DNAAF5: variants seen among roughly 807,000 people sequenced by gnomAD.
DNAAF5 encodes the protein HEAT repeat containing 2.
DNAAF5 carries 64 observed loss-of-function variants against 75.8 expected under a neutral mutation model. The ratio of observed to expected loss-of-function variants is 0.84; its 90% CI spans 0.69 to 1.04. The LOEUF is 1.04. Among genes scored for constraint, DNAAF5 ranks in the 50% least tolerant of loss-of-function variants. The probability of loss-of-function intolerance (pLI) is 0.00; values close to 1 mark genes in which losing one functional copy is unlikely to be tolerated. For missense variants in DNAAF5, 1,269 were observed against 1,178.5 expected (o/e 1.08, Z -1.12); for synonymous variants, 657 against 557.2 (o/e 1.18, Z -2.52).
At position 755,866 on chromosome 7, in the gene DNAAF5, C is replaced by A. The variant is rs549802517; in HGVS notation, c.1258-916C>A. Among the ~76,000 whole-genome samples the A allele has an allele frequency of 1.8e-4, 27 of 152,290 alleles. No individual in the cohort carries two copies. The East Asian group carries it at 4.8e-3, about 27-fold the overall frequency. On this transcript the variant is annotated intron_variant, in intron 5 of 12. Coordinates refer to ENST00000297440, the MANE Select transcript of DNAAF5 (RefSeq NM_017802.4). ...AATTGTCTGTAGTTCTCTGTGGAAC[C>A]TACAGGAGAGCAAGAGACACGGGGG... is the stretch of plus-strand genomic sequence containing the variant.
At chr7:750,441 G>A (rs575211755) in intron 4 of DNAAF5, among the ~76,000 whole-genome samples, 1 of 152,334 alleles carries the variant, frequency 6.6e-6, no homozygotes, top group East Asian at 1.9e-4. Flanking sequence ...CTGGTTTTGT[G>A]GAAGACAATT....
intron 8 of DNAAF5, among the ~76,000 whole-genome samples, chr7:764,845 A>G (rs1400580897): frequency 1.3e-5 from 2 of 152,204 alleles, no homozygotes; most frequent in Non-Finnish European, 2.9e-5. Flanking sequence ...CTGAAGTGGG[A>G]GGATCACTTG....
chr7:770,842 C>T (rs1446860656), intron 9 of DNAAF5: 9 of 488,536 alleles, frequency 1.8e-5, no homozygotes, highest in Non-Finnish European at 3.0e-5. Context: ...CGGGGGTCCC[C>T]ACCTCCCTCC....
intron 5 of DNAAF5, among the ~76,000 whole-genome samples, chr7:755,645 C>T (rs905127968): frequency 3.9e-5 from 6 of 152,116 alleles, no homozygotes; most frequent in African/African-American, 1.2e-4. Context: ...GTGGGAGGAT[C>T]GCTTGAGCCC....
At chr7:782,896 C>A (rs1779020873) in intron 12 of DNAAF5, among the ~76,000 whole-genome samples, 2 of 152,120 alleles carry the variant, frequency 1.3e-5, no homozygotes, top group South Asian at 4.1e-4. Flanking sequence ...ACGTCAGAAA[C>A]TCGATCTTCC....
At chr7:783,337 T>A (rs1052707263) in intron 12 of DNAAF5, among the ~76,000 whole-genome samples, 1 of 152,060 alleles carries the variant, frequency 6.6e-6, no homozygotes, top group African/African-American at 2.4e-5. Flanking sequence ...AGCCGTGTGC[T>A]CGAGGGTGAG....
intron 2 of DNAAF5, among the ~76,000 whole-genome samples, chr7:736,632 T>C (rs1376119842): frequency 1.3e-5 from 2 of 152,250 alleles, no homozygotes; most frequent in African/African-American, 2.4e-5. Flanking sequence ...AACAGATTGC[T>C]GGGTCCTGTT....
At chr7:739,737 A>AC (rs964493508) in intron 2 of DNAAF5, among the ~76,000 whole-genome samples, 2 of 152,042 alleles carry the variant, frequency 1.3e-5, no homozygotes, top group Non-Finnish European at 2.9e-5. Context: ...GTGGCAATGA[A>AC]CTTCGGAGCA....
chr7:773,978 C>T, intron 9 of DNAAF5, 70 bp from the exon 10 acceptor site: 2 of 1,575,994 alleles, frequency 1.3e-6, no homozygotes, highest in South Asian at 1.1e-5. Flanking sequence ...CCCCATTCAT[C>T]CCTAGTCTGA....
intron 9 of DNAAF5, chr7:771,855 G>A (rs376718143): frequency 3.9e-5 from 6 of 152,246 alleles, no homozygotes; most frequent in Non-Finnish European, 1.5e-5. Context: ...AAGAAAGTGC[G>A]CCTAACAACG....
chr7:763,940 G>A lies in DNAAF5; in HGVS notation c.1749G>A (p.Glu583=), dbSNP rs761463822. The A allele has an allele frequency of 1.2e-6, 2 of 1,607,730 alleles. No homozygotes were observed. The highest frequency in any genetic ancestry group is 1.1e-5 in the South Asian group (1 of 91,088). ...SHLDWTAHSP[E]LLQFSVIVAQ... is the part of the protein sequence containing the mutation. Reference sequence around the variant, plus strand: ...TTGACTGGACCGCACACTCGCCGGAGCTCCTGCAGTTCAGTGTCATCGTCG... The same window carrying A: ...TTGACTGGACCGCACACTCGCCGGAACTCCTGCAGTTCAGTGTCATCGTCG... Residue 583 remains glutamate (E), a synonymous_variant, in exon 8 of 13, where the codon GAG becomes GAA. Coordinates refer to ENST00000297440, the MANE Select transcript of DNAAF5 (RefSeq NM_017802.4).
intron 2 of DNAAF5, among the ~76,000 whole-genome samples, chr7:731,084 C>G (rs570979291): frequency 6.6e-6 from 1 of 152,170 alleles, no homozygotes; most frequent in Admixed American, 6.5e-5. Context: ...GAAGTGCAGG[C>G]GGCCGGCTGG....
chr7:749,253 C>CA (rs1418145437), intron 4 of DNAAF5, among the ~76,000 whole-genome samples: 1 of 152,224 alleles, frequency 6.6e-6, no homozygotes, highest in African/African-American at 2.4e-5. Context: ...CCGCCAGCAG[C>CA]AGATGGCTTG....
chr7:783,588 C>G (rs886084405), intron 12 of DNAAF5, among the ~76,000 whole-genome samples: 2 of 152,206 alleles, frequency 1.3e-5, no homozygotes, highest in South Asian at 4.1e-4. Context: ...CGGCGGGGCC[C>G]GTGGTCTCTC....
At position 756,932 on chromosome 7, in the gene DNAAF5, C is replaced by A; in HGVS notation, c.1408C>A (p.Pro470Thr). 1 of 1,609,444 alleles carries A rather than the reference C, an allele frequency of 6.2e-7. No homozygotes were observed. The highest frequency in any genetic ancestry group is 2.2e-5 in the East Asian group (1 of 44,874). Reference sequence around the variant, plus strand: ...GGGTTGCCCCCGAGAAGCCCTCCAGCCGCACCTGGCAGCCATCGCCACAGA... The same window carrying A: ...GGGTTGCCCCCGAGAAGCCCTCCAGACGCACCTGGCAGCCATCGCCACAGA... ...MRGCPREALQ[P>T]HLAAIATELA... The change falls in exon 6 of 13, where the codon CCG (proline) becomes ACG (threonine). Residue 470 changes from proline (P) to threonine (T), a missense_variant. Pro to Thr is a conservative substitution (Grantham distance 38). Coordinates refer to ENST00000297440, the MANE Select transcript of DNAAF5 (RefSeq NM_017802.4).
Position 726,850 on chromosome 7 carries a change from C to T in DNAAF5, c.130C>T (p.Pro44Ser). 4 of 1,320,878 alleles carry T rather than the reference C, an allele frequency of 3.0e-6. No homozygotes were observed. Among genetic ancestry groups the T allele is most frequent in the Non-Finnish European group, 3.9e-6 (4 of 1,038,308 alleles). The allele number at this position is 1,320,878 out of a possible 1,614,324, so 81.8% of individuals were successfully genotyped here. A position where few individuals can be genotyped will look rare whatever the true frequency, so the allele number is the denominator to read the frequency against. Residue 44 changes from proline (P) to serine (S), a missense_variant, in exon 1 of 13, where the codon CCG becomes TCG. Pro to Ser is a moderately conservative substitution (Grantham distance 74). Coordinates refer to ENST00000297440, the MANE Select transcript of DNAAF5 (RefSeq NM_017802.4). The part of the protein sequence containing the change: ...LLPGLEADSK[P>S]GRRRALEALR... ...GCCGGGGCTGGAGGCCGACAGCAAGCCGGGCCGGCGGCGCGCCTTGGAGGC... is the reference window on the plus strand; with the variant it reads ...GCCGGGGCTGGAGGCCGACAGCAAGTCGGGCCGGCGGCGCGCCTTGGAGGC...
At chr7:750,214 A>G (rs1283218895) in intron 4 of DNAAF5, among the ~76,000 whole-genome samples, 1 of 152,222 alleles carries the variant, frequency 6.6e-6, no homozygotes, top group East Asian at 1.9e-4. Context: ...CCTGCTGCAC[A>G]GGTTCGTGGC....
chr7:761,729 G>T, intron 6 of DNAAF5, 24 bp from the exon 7 acceptor site: 6 of 1,583,496 alleles, frequency 3.8e-6, no homozygotes, highest in Non-Finnish European at 5.1e-6. Context: ...ACCAAGCTCT[G>T]ACGGTGCTGC....
Position 770,531 on chromosome 7 carries a change from C to T in DNAAF5, c.1844C>T (p.Pro615Leu), listed in dbSNP as rs1194779582. 1 of 1,613,968 alleles carries T rather than the reference C, an allele frequency of 6.2e-7. No individual in the cohort carries two copies. The highest frequency in any genetic ancestry group is 8.5e-7 in the Non-Finnish European group (1 of 1,179,998). The stretch of plus-strand genomic sequence containing the variant: ...CCCACGCTGAGGGCCTGTCTGCAGC[C>T]CTCCCAAGACCCGCAGATGCGCCTG... ...VVPTLRACLQ[P>L]SQDPQMRLKL... Residue 615 changes from proline (P) to leucine (L), a missense_variant, in exon 9 of 13, where the codon CCC becomes CTC. Physicochemically the swap from Pro to Leu is moderately conservative, Grantham distance 98. Transcript: ENST00000297440.
Sources: allele counts gnomAD v4.1 joint callset (sites outside exome capture counted in the v4.1 genomes callset), GRCh38; gene constraint gnomAD v4.1.1; transcripts MANE v1.5; gene names NCBI Gene and HGNC (gene_info 2026-07-23, HGNC 2026-07-21).